The following ANKFN1 variants were observed in gnomAD, a reference collection of about 807,000 sequenced individuals.
ANKFN1 encodes ankyrin repeat and fibronectin type III domain containing 1.
Under a neutral mutation model 108.7 loss-of-function variants are expected in ANKFN1, and 74 were observed. The ratio of observed to expected loss-of-function variants is 0.68; its 90% CI spans 0.56 to 0.83. The LOEUF (loss-of-function observed/expected upper bound fraction) is 0.83. Ranked by LOEUF, ANKFN1 falls within the 40% of genes least tolerant of loss-of-function variation. The pLI is 0.00. For missense variants in ANKFN1, 1,505 were observed against 1,382.3 expected (o/e 1.09, Z -1.41); for synonymous variants, 547 against 516.2 (o/e 1.06, Z -0.81).
chr17:56,382,563 T>A (rs1157672213), intron 8 of ANKFN1, among the ~76,000 whole-genome samples: 3 of 152,200 alleles, frequency 2.0e-5, no homozygotes, highest in Non-Finnish European at 2.9e-5. Flanking sequence ...GACCCATCAG[T>A]GTGCTGTATT....
chr17:56,260,920 T>TTTGC (rs1275081225), intron 3 of ANKFN1, among the ~76,000 whole-genome samples: 9 of 152,356 alleles, frequency 5.9e-5, no homozygotes, highest in African/African-American at 2.2e-4. Flanking sequence ...AGAGTTAACT[T>TTTGC]ACTCCTCTTT....
chr17:56,377,406 C>T (rs2046974081), intron 8 of ANKFN1, among the ~76,000 whole-genome samples: 2 of 152,162 alleles, frequency 1.3e-5, no homozygotes, highest in Non-Finnish European at 2.9e-5. Context: ...CATCAATTTC[C>T]ACATCAAACC....
In ANKFN1 at chr17:56,236,067, C is replaced by CT. The variant is rs375587982; in HGVS notation, c.53+8118dup. ...TTTCTTTTCTTTTCTTTCTTTCTTT[C>CT]TTTTTTTTGAGATGGAGTCTCACTC... On this transcript the variant is annotated intron_variant, in intron 3 of 20. Coordinates refer to ENST00000682825, the MANE Select transcript of ANKFN1 (RefSeq NM_001370326.1). Among the ~76,000 whole-genome samples the CT allele has an allele frequency of 1.8e-3, 265 of 150,794 alleles. 1 individual carries two copies. Among genetic ancestry groups the CT allele is most frequent in the African/African-American group, 6.1e-3 (250 of 41,046 alleles).
intron 1 of ANKFN1, among the ~76,000 whole-genome samples, chr17:56,169,393 T>C (rs1167387488): frequency 6.6e-6 from 1 of 152,070 alleles, no homozygotes; most frequent in Non-Finnish European, 1.5e-5. Flanking sequence ...TACCTCAGCT[T>C]CCCAAGTAGC....
chr17:56,177,590 A>C (rs191589424), intron 1 of ANKFN1, among the ~76,000 whole-genome samples: 1 of 152,224 alleles, frequency 6.6e-6, no homozygotes, highest in Non-Finnish European at 1.5e-5. Flanking sequence ...CCCACGTTCC[A>C]GATGACTTAG....
At chr17:56,433,592 T>C (rs1192376960) in intron 8 of ANKFN1, among the ~76,000 whole-genome samples, 1 of 152,034 alleles carries the variant, frequency 6.6e-6, no homozygotes, top group African/African-American at 2.4e-5. Flanking sequence ...AAACCAAACA[T>C]CGTTTGTTCT....
At chr17:56,280,636 A>G (rs1270403715) in intron 3 of ANKFN1, among the ~76,000 whole-genome samples, 1 of 152,182 alleles carries the variant, frequency 6.6e-6, no homozygotes, top group East Asian at 1.9e-4. Flanking sequence ...TAAATCTCCG[A>G]TATATCTATA....
intron 20 of ANKFN1, among the ~76,000 whole-genome samples, chr17:56,501,817 T>C (rs1446240469): frequency 1.3e-5 from 2 of 150,538 alleles, no homozygotes; most frequent in African/African-American, 4.9e-5. Flanking sequence ...AACAAGAGAG[T>C]AGTGGCACAG....
intron 4 of ANKFN1, among the ~76,000 whole-genome samples, chr17:56,103,570 A>G (rs1037061162): frequency 5.9e-5 from 9 of 152,238 alleles, no homozygotes; most frequent in Admixed American, 5.9e-4. Flanking sequence ...TGGTTCTTCC[A>G]TGAGGTAAAA....
intron 8 of ANKFN1, among the ~76,000 whole-genome samples, chr17:56,411,023 G>A (rs987126397): frequency 1.3e-5 from 2 of 152,070 alleles, no homozygotes; most frequent in African/African-American, 2.4e-5. Flanking sequence ...TTTTAGGGTT[G>A]TTTCTTCTGT....
chr17:56,335,566 G>C (rs1445599714), intron 4 of ANKFN1, among the ~76,000 whole-genome samples: 1 of 152,172 alleles, frequency 6.6e-6, no homozygotes, highest in Admixed American at 6.5e-5. Context: ...CATTGATTTT[G>C]TATCCCGAGA....
At chr17:56,477,789 A>C (rs2145352028) in intron 16 of ANKFN1, 135 bp downstream of exon 16, 9 of 876,364 alleles carry the variant, frequency 1.0e-5, no homozygotes, top group African/African-American at 1.7e-5. Context: ...TGCCACACTG[A>C]AGTGGGGCAG....
intron 4 of ANKFN1, among the ~76,000 whole-genome samples, chr17:56,342,232 T>TC (rs1473754634): frequency 6.6e-6 from 1 of 151,552 alleles, no homozygotes; most frequent in Non-Finnish European, 1.5e-5. Context: ...TTTATCTTTT[T>TC]TTTTTTTCAA....
intron 2 of ANKFN1, among the ~76,000 whole-genome samples, chr17:56,220,816 AAGGAAGGAAGGAAGGG>A (rs764779325): frequency 0.24 from 15,745 of 66,178 alleles, 2,016 homozygotes; most frequent in East Asian, 0.49. Context: ...GGGAGGAAGG[AAGGAAGGAAGGAAGGG>A]AGGAAGGGAG....
chr17:56,203,411 C>T (rs1812515029), intron 1 of ANKFN1, among the ~76,000 whole-genome samples: 1 of 152,140 alleles, frequency 6.6e-6, no homozygotes, highest in African/African-American at 2.4e-5. Flanking sequence ...GGTGCTTTTC[C>T]GACTGCCCTA....
At chr17:56,385,604 G>C (rs1222960098) in intron 8 of ANKFN1, among the ~76,000 whole-genome samples, 2 of 152,034 alleles carry the variant, frequency 1.3e-5, no homozygotes, top group Non-Finnish European at 2.9e-5. Context: ...AATCTACAAT[G>C]AACTCAAACA....
rs892136261 is a variant in ANKFN1 at position 56,222,146 on chromosome 17, G to A, written c.13-5771G>A. Reference sequence around the variant, plus strand: ...GTTTTAGATGTATGGCTGAGGAGGAGCCCAAAAGACTCTTTTTGTGTAACA... The same window carrying A: ...GTTTTAGATGTATGGCTGAGGAGGAACCCAAAAGACTCTTTTTGTGTAACA... On this transcript the variant is annotated intron_variant, in intron 2 of 20. Coordinates refer to ENST00000682825, the MANE Select transcript of ANKFN1 (RefSeq NM_001370326.1). Among the ~76,000 whole-genome samples, 11 of 152,240 alleles carry A rather than the reference G, an allele frequency of 7.2e-5. 1 individual carries two copies. In the East Asian group the frequency reaches 2.1e-3, roughly 29 times the overall value.
chr17:56,381,560 A>C (rs923845935), intron 8 of ANKFN1, among the ~76,000 whole-genome samples: 1 of 152,230 alleles, frequency 6.6e-6, no homozygotes, highest in African/African-American at 2.4e-5. Flanking sequence ...TGAATGTATA[A>C]CTAGAATAAC....
intron 4 of ANKFN1, among the ~76,000 whole-genome samples, chr17:56,077,059 G>C (rs113418508): frequency 1.2e-4 from 18 of 152,298 alleles, no homozygotes; most frequent in African/African-American, 4.1e-4. Context: ...AGGAGTAACA[G>C]CAACACAAGG....
Sources: allele counts gnomAD v4.1 joint callset (sites outside exome capture counted in the v4.1 genomes callset), GRCh38; gene constraint gnomAD v4.1.1; transcripts MANE v1.5; gene names NCBI Gene and HGNC (gene_info 2026-07-23, HGNC 2026-07-21).